PPFIA2: variants seen among roughly 807,000 people sequenced by gnomAD.
The protein encoded by PPFIA2 is liprin-alpha-2.
A neutral mutation model predicts 175.5 loss-of-function variants in PPFIA2; 46 were observed. The observed-to-expected ratio is 0.26, with a 90% CI of 0.21 to 0.34. The LOEUF (loss-of-function observed/expected upper bound fraction) is 0.34. PPFIA2 is among the 10% of genes least tolerant of loss of function. The pLI, the probability that PPFIA2 is intolerant of heterozygous loss-of-function variation, is 1.00. For synonymous variants in PPFIA2, 568 were observed against 511.4 expected, an observed-to-expected ratio of 1.11 and a Z score of -1.49; for missense variants, 1,179 against 1,506.1, an observed-to-expected ratio of 0.78 and a Z score of 3.60.
chr12:81,502,714 G>A (rs1250160960), intron 4 of PPFIA2, among the ~76,000 whole-genome samples: 1 of 152,126 alleles, frequency 6.6e-6, no homozygotes, highest in Non-Finnish European at 1.5e-5. Context: ...ATAACATTGA[G>A]CAGAAGAGCA....
chr12:81,359,661 T>C (rs1304059232), intron 15 of PPFIA2, among the ~76,000 whole-genome samples: 2 of 151,914 alleles, frequency 1.3e-5, no homozygotes, highest in African/African-American at 4.8e-5. Context: ...AACTGTCTTG[T>C]TGTGATCAGT....
rs1183160145 is a variant in PPFIA2, at chr12:81,443,845, C to CTTTTTT, written c.570+1705_570+1710dup. On this transcript the variant is annotated intron_variant, in intron 6 of 32. Transcript: ENST00000549396. ...ATACCTAGATCAAATGCCAACCTTT[C>CTTTTTT]TTTTTTTTTTTTTTTTTTTTTTTTT... Among the ~76,000 whole-genome samples the CTTTTTT allele has an allele frequency of 2.4e-3, 171 of 71,174 alleles. 18 individuals carry two copies. The highest frequency in any genetic ancestry group is 3.0e-3 in the Non-Finnish European group (108 of 36,472). The allele number at this position is 71,174 out of a possible 152,430, so 46.7% of individuals were successfully genotyped here.
At chr12:81,657,670 T>C (rs2068007071) in intron 4 of PPFIA2, among the ~76,000 whole-genome samples, 2 of 152,208 alleles carry the variant, frequency 1.3e-5, no homozygotes, top group South Asian at 2.1e-4. Flanking sequence ...GGCAATTAAA[T>C]GCAAACTGAT....
intron 4 of PPFIA2, among the ~76,000 whole-genome samples, chr12:81,595,199 AT>A (rs1211323438): frequency 2.0e-5 from 3 of 151,342 alleles, no homozygotes; most frequent in Admixed American, 6.6e-5. Flanking sequence ...TTGAGACATC[AT>A]TTTTATGGAC....
At chr12:81,315,099 T>C (rs2051989173) in intron 22 of PPFIA2, among the ~76,000 whole-genome samples, 1 of 151,808 alleles carries the variant, frequency 6.6e-6, no homozygotes, top group South Asian at 2.1e-4. Flanking sequence ...GGTTTCTCTC[T>C]CTGTCTCTCT....
intron 3 of PPFIA2, among the ~76,000 whole-genome samples, chr12:81,752,562 G>A (rs755719796): frequency 6.6e-6 from 1 of 152,122 alleles, no homozygotes; most frequent in African/African-American, 2.4e-5. Context: ...TAAACTGCCT[G>A]AAAACGAAAA....
intron 8 of PPFIA2, among the ~76,000 whole-genome samples, chr12:81,385,377 C>G (rs1166797916): frequency 6.6e-6 from 1 of 152,054 alleles, no homozygotes; most frequent in East Asian, 1.9e-4. Context: ...ATTGAAATCA[C>G]TGTGTGGAAG....
At chr12:81,687,605 T>A in intron 3 of PPFIA2, 1 of 151,964 alleles carries the variant, frequency 6.6e-6, no homozygotes. Flanking sequence ...GTAAGACACA[T>A]GCAAAAATAG....
intron 4 of PPFIA2, among the ~76,000 whole-genome samples, chr12:81,587,560 G>T (rs1053881396): frequency 4.6e-5 from 7 of 151,808 alleles, no homozygotes; most frequent in Non-Finnish European, 7.4e-5. Context: ...AATAATTCTT[G>T]TTATTTGTAA....
chr12:81,504,824 A>T (rs1465435028), intron 4 of PPFIA2, among the ~76,000 whole-genome samples: 1 of 152,192 alleles, frequency 6.6e-6, no homozygotes, highest in Non-Finnish European at 1.5e-5. Flanking sequence ...ATAAAAAAGG[A>T]TGAGTTCATA....
chr12:81,528,840 G>T (rs908171828), intron 4 of PPFIA2, among the ~76,000 whole-genome samples: 2 of 151,722 alleles, frequency 1.3e-5, no homozygotes, highest in Non-Finnish European at 2.9e-5. Flanking sequence ...AAAAACAACA[G>T]AAAATTATAT....
intron 7 of PPFIA2, among the ~76,000 whole-genome samples, chr12:81,411,319 C>T (rs1162498235): frequency 2.6e-5 from 4 of 152,078 alleles, no homozygotes; most frequent in Non-Finnish European, 5.9e-5. Flanking sequence ...AAATCTCAGG[C>T]ATCTGTGTGC....
intron 3 of PPFIA2, among the ~76,000 whole-genome samples, chr12:81,727,541 GGCATCTGAGA>G (rs973826187): frequency 7.9e-5 from 12 of 151,268 alleles, no homozygotes; most frequent in Non-Finnish European, 1.6e-4. Context: ...GTCAAACAGA[GGCATCTGAGA>G]GCTTGTTAAA....
At chr12:81,341,430 C>G (rs2058055997) in intron 19 of PPFIA2, among the ~76,000 whole-genome samples, 2 of 129,012 alleles carry the variant, frequency 1.6e-5, no homozygotes. Flanking sequence ...AAATCATAGA[C>G]CCACTACACA....
chr12:81,405,722 T>C lies in PPFIA2; in HGVS notation c.762+65A>G, dbSNP rs2042816354. 4 of 953,540 alleles carry C rather than the reference T, an allele frequency of 4.2e-6. No homozygotes were observed. The South Asian group carries it at 5.2e-5, about 12-fold the overall frequency. 59.1% of individuals were successfully genotyped at this position (953,540 alleles called of 1,614,324 possible). On this transcript the variant is annotated intron_variant, in intron 8 of 32. Transcript: ENST00000549396. ...AAAAATGTTCATTATGTGGTTTTTA[T>C]ATTTCCTGTCAAATGATATAAGAAG...
At chr12:81,316,379 T>C (rs889824184) in intron 22 of PPFIA2, among the ~76,000 whole-genome samples, 15 of 151,624 alleles carry the variant, frequency 9.9e-5, no homozygotes, top group African/African-American at 3.6e-4. Context: ...GTCAGCATTA[T>C]ATTTAAATAT....
chr12:81,686,535 C>T (rs1266740752), intron 3 of PPFIA2, among the ~76,000 whole-genome samples: 2 of 152,024 alleles, frequency 1.3e-5, no homozygotes, highest in African/African-American at 2.4e-5. Flanking sequence ...GAATGTTTTG[C>T]TAATTCCTGA....
intron 4 of PPFIA2, among the ~76,000 whole-genome samples, chr12:81,513,716 A>G (rs1213951722): frequency 6.6e-6 from 1 of 152,018 alleles, no homozygotes; most frequent in African/African-American, 2.4e-5. Context: ...TTAAAAATCT[A>G]TGCCACTTGA....
chr12:81,599,467 C>T (rs2059580243), intron 4 of PPFIA2, among the ~76,000 whole-genome samples: 1 of 151,916 alleles, frequency 6.6e-6, no homozygotes, highest in South Asian at 2.1e-4. Context: ...TAGCAAACTG[C>T]TAAATAAACC....
Sources: allele counts gnomAD v4.1 joint callset (sites outside exome capture counted in the v4.1 genomes callset), GRCh38; gene constraint gnomAD v4.1.1; transcripts MANE v1.5; gene names NCBI Gene and HGNC (gene_info 2026-07-23, HGNC 2026-07-21).